The following ARHGAP10 variants were observed in gnomAD, a reference collection of about 807,000 sequenced individuals.
ARHGAP10 encodes the protein rho GTPase-activating protein 10.
A neutral mutation model predicts 108.6 loss-of-function variants in ARHGAP10; 87 were observed. That is an observed-to-expected ratio of 0.80 (90% CI 0.67 to 0.96). ARHGAP10 has a LOEUF of 0.96. Among genes scored for constraint, ARHGAP10 ranks in the 40% least tolerant of loss-of-function variants. The pLI is 0.00. For synonymous variants in ARHGAP10, 347 were observed against 341.1 expected (o/e 1.02, Z -0.19); for missense variants, 939 against 954.5 (o/e 0.98, Z 0.21).
chr4:147,976,527 C>T lies in ARHGAP10; in HGVS notation c.1716+9688C>T, dbSNP rs539243968. 2.0e-5 allele frequency among the ~76,000 whole-genome samples: 3 copies of T among 147,460 alleles called. No individual in the cohort carries two copies. The South Asian group carries it at 6.4e-4, about 32-fold the overall frequency. ...GTTTGGCATTGCTATGAAAACTTTACTGTTTTGTGTGTGGTTTTTTTTTTT... is the reference window on the plus strand; with the variant it reads ...GTTTGGCATTGCTATGAAAACTTTATTGTTTTGTGTGTGGTTTTTTTTTTT... On this transcript the variant is annotated intron_variant, in intron 18 of 22. Transcript: ENST00000336498.
rs550721117 is a variant in ARHGAP10, at chr4:147,964,482, C to T, written c.1451-542C>T. On this transcript the variant is annotated intron_variant, in intron 16 of 22. Coordinates refer to ENST00000336498, the MANE Select transcript of ARHGAP10 (RefSeq NM_024605.4). ...CTCTGTGAGTCTAAACTTTTCCCTT[C>T]CTGACAGTCATTTTCATGCATGCCT... Among the ~76,000 whole-genome samples, 5 of 152,286 alleles carry T rather than the reference C, an allele frequency of 3.3e-5. No homozygotes were observed. In the East Asian group the frequency reaches 7.7e-4, roughly 23 times the overall value.
intron 3 of ARHGAP10, among the ~76,000 whole-genome samples, chr4:147,824,640 GGTGGCAGGATGGA>G (rs562609573): frequency 1.1e-3 from 171 of 152,304 alleles, no homozygotes; most frequent in Non-Finnish European, 1.7e-3. Context: ...TTCTTCACAA[GGTGGCAGGATGGA>G]GTTGAGTGCA....
Position 147,875,169 on chromosome 4 carries a change from G to A in ARHGAP10, c.832+19G>A. The stretch of plus-strand genomic sequence containing the variant: ...GAAAAAAGTAAGAGGCCCTCCAGCA[G>A]TGGCTGCGTGGCTGCTTAAAAATGC... On this transcript the variant is annotated intron_variant, in intron 8 of 22. Transcript: ENST00000336498. 2.0e-6 allele frequency: 3 copies of A among 1,537,602 alleles called. No homozygotes were observed. The highest frequency in any genetic ancestry group is 1.7e-4 in the Middle Eastern group (1 of 5,728).
At chr4:147,747,444 A>G (rs1478858761) in intron 1 of ARHGAP10, among the ~76,000 whole-genome samples, 1 of 152,250 alleles carries the variant, frequency 6.6e-6, no homozygotes, top group Non-Finnish European at 1.5e-5. Context: ...GAAGAAATAA[A>G]TGCTTACAAA....
chr4:147,793,572 C>G (rs1272376465), intron 1 of ARHGAP10, among the ~76,000 whole-genome samples: 1 of 152,176 alleles, frequency 6.6e-6, no homozygotes, highest in Non-Finnish European at 1.5e-5. Flanking sequence ...TTGTCCATCT[C>G]AGCCTGGACT....
chr4:147,854,941 T>C (rs533447151), intron 4 of ARHGAP10: 1 of 905,142 alleles, frequency 1.1e-6, no homozygotes, highest in East Asian at 1.2e-4. Context: ...ACCCACATGT[T>C]GATTTTCATA....
intron 18 of ARHGAP10, 59 bp from the exon 19 acceptor site, chr4:148,023,204 G>A (rs763764319): frequency 1.3e-6 from 2 of 1,583,512 alleles, no homozygotes; most frequent in Non-Finnish European, 1.7e-6. Flanking sequence ...GTTTACTGGA[G>A]TAACACACAG....
At chr4:148,062,553 G>A (rs139316557) in intron 20 of ARHGAP10, among the ~76,000 whole-genome samples, 74 of 152,234 alleles carry the variant, frequency 4.9e-4, no homozygotes, top group Non-Finnish European at 9.0e-4. Context: ...CATTCCAGGT[G>A]TCTGTTCACT....
chr4:148,046,132 G>A (rs1444601253), intron 19 of ARHGAP10, among the ~76,000 whole-genome samples: 4 of 152,232 alleles, frequency 2.6e-5, no homozygotes, highest in Non-Finnish European at 2.9e-5. Context: ...AAGACCAATA[G>A]AGGGAAATAA....
intron 1 of ARHGAP10, among the ~76,000 whole-genome samples, chr4:147,785,637 GCT>G (rs1730862008): frequency 6.6e-6 from 1 of 152,010 alleles, no homozygotes; most frequent in African/African-American, 2.4e-5. Context: ...TCATGTCTGA[GCT>G]CTTTTTTCTT....
chr4:147,906,165 C>G (rs1736480454), intron 10 of ARHGAP10, among the ~76,000 whole-genome samples: 1 of 152,136 alleles, frequency 6.6e-6, no homozygotes, highest in Non-Finnish European at 1.5e-5. Flanking sequence ...CCATATGAAC[C>G]ATTAATTCCA....
intron 8 of ARHGAP10, among the ~76,000 whole-genome samples, chr4:147,878,263 A>AT (rs1464480958): frequency 6.6e-6 from 1 of 151,848 alleles, no homozygotes; most frequent in Admixed American, 6.6e-5. Flanking sequence ...GCCTGGCTAA[A>AT]TTTTTTGTAT....
intron 1 of ARHGAP10, among the ~76,000 whole-genome samples, chr4:147,772,731 C>T (rs1730129147): frequency 6.6e-6 from 1 of 152,182 alleles, no homozygotes; most frequent in Admixed American, 6.5e-5. Context: ...AATGTTATTA[C>T]AGAGTTTTTA....
chr4:148,024,984 A>G (rs891389788), intron 19 of ARHGAP10, among the ~76,000 whole-genome samples: 5 of 152,232 alleles, frequency 3.3e-5, no homozygotes, highest in Non-Finnish European at 5.9e-5. Flanking sequence ...ATGACTAAAG[A>G]AGGACGTTTT....
At position 147,908,554 on chromosome 4, in the gene ARHGAP10, G is replaced by C. The variant is rs563223687; in HGVS notation, c.1117-1178G>C. ...TTTATATGGGGACACTGAAGGGACTGCATATTTTTGGTGGGTGTTGTAAGC... is the reference window on the plus strand; with the variant it reads ...TTTATATGGGGACACTGAAGGGACTCCATATTTTTGGTGGGTGTTGTAAGC... On this transcript the variant is annotated intron_variant, in intron 11 of 22. Coordinates refer to ENST00000336498, the MANE Select transcript of ARHGAP10 (RefSeq NM_024605.4). Among the ~76,000 whole-genome samples, 15 of 152,310 alleles carry C rather than the reference G, an allele frequency of 9.8e-5. No homozygotes were observed. The South Asian group carries it at 3.1e-3, about 32-fold the overall frequency.
At chr4:147,739,412 A>G (rs1347073249) in intron 1 of ARHGAP10, among the ~76,000 whole-genome samples, 1 of 152,220 alleles carries the variant, frequency 6.6e-6, no homozygotes, top group Non-Finnish European at 1.5e-5. Context: ...TTGATGACAG[A>G]GTTCATCTCA....
chr4:148,023,175 A>G, intron 18 of ARHGAP10, 88 bp from the exon 19 acceptor site: 1 of 1,492,896 alleles, frequency 6.7e-7, no homozygotes, highest in South Asian at 1.3e-5. Context: ...TGAACTCCAA[A>G]TCAAATGTTG....
rs892746595 is a variant in ARHGAP10 at position 147,866,757 on chromosome 4, C to A, written c.643C>A (p.His215Asn). The A allele has an allele frequency of 2.2e-5, 35 of 1,613,820 alleles. No homozygotes were observed. The highest frequency in any genetic ancestry group is 2.9e-5 in the Non-Finnish European group (34 of 1,179,844). ...QGMFTFYHQGHELAKDFNHYK... is the reference protein window; with the variant it reads ...QGMFTFYHQGNELAKDFNHYK... The stretch of plus-strand genomic sequence containing the variant: ...GATGTTTACCTTCTATCATCAGGGC[C>A]ATGAACTTGCCAAAGACTTCAATCA... Residue 215 changes from histidine (H) to asparagine (N), a missense_variant, in exon 7 of 23, where the codon CAT becomes AAT. Coordinates refer to ENST00000336498, the MANE Select transcript of ARHGAP10 (RefSeq NM_024605.4).
At chr4:148,034,154 C>T (rs1315409742) in intron 19 of ARHGAP10, among the ~76,000 whole-genome samples, 6 of 152,222 alleles carry the variant, frequency 3.9e-5, no homozygotes, top group African/African-American at 1.2e-4. Context: ...GAATAGTTTT[C>T]GCTTATATTT....
Sources: gnomAD v4.1 joint callset for allele counts (sites outside exome capture counted in the v4.1 genomes callset) on GRCh38, gnomAD v4.1.1 for gene constraint, MANE v1.5 for transcripts, NCBI Gene and HGNC (gene_info 2026-07-23, HGNC 2026-07-21) for gene names.